The following DNAJC17 variants were observed in gnomAD, a reference collection of about 807,000 sequenced individuals.
DNAJC17 encodes the protein dnaJ homolog subfamily C member 17.
A neutral mutation model predicts 48.1 loss-of-function variants in DNAJC17; 35 were observed. That is an observed-to-expected ratio of 0.73 (90% CI 0.56 to 0.96). The LOEUF is 0.96. Ranked by LOEUF, DNAJC17 falls within the 50% of genes least tolerant of loss-of-function variation. The pLI is 0.00. For missense variants in DNAJC17, 355 were observed against 377.1 expected (o/e 0.94, Z 0.48); for synonymous variants, 117 against 142.7 (o/e 0.82, Z 1.28).
rs556555648 is a variant in DNAJC17 at position 40,795,856 on chromosome 15, C to T, written c.78+11513G>A. Among the ~76,000 whole-genome samples, 5 of 152,316 alleles carry T rather than the reference C, an allele frequency of 3.3e-5. 1 individual carries two copies. Among genetic ancestry groups the T allele is most frequent in the African/African-American group, 1.2e-4 (5 of 41,580 alleles). On this transcript the variant is annotated intron_variant, in intron 1 of 10. Transcript: ENST00000220496. ...GCAGTGAGCCAAGATCGTGCCACTG[C>T]ACTCCAGCCTGGGCGACAGAGTGAG...
At chr15:40,784,497 A>C (rs1443301574) in intron 1 of DNAJC17, among the ~76,000 whole-genome samples, 1 of 152,180 alleles carries the variant, frequency 6.6e-6, no homozygotes, top group Non-Finnish European at 1.5e-5. Flanking sequence ...TAAAGCCCCT[A>C]TGAGGTAGAA....
chr15:40,784,103 T>C (rs1333060333), intron 1 of DNAJC17, among the ~76,000 whole-genome samples: 2 of 152,062 alleles, frequency 1.3e-5, no homozygotes, highest in Non-Finnish European at 2.9e-5. Context: ...GGCACACGCC[T>C]GTAGTCCCAG....
rs1371031019 is a variant in DNAJC17 at position 40,769,859 on chromosome 15, G to C, written c.793-1797C>G. On this transcript the variant is annotated intron_variant, in intron 10 of 10. Transcript: ENST00000220496. This position sits in a 1 kb window ranked among gnomAD's most constrained non-coding sequence, Gnocchi z 4.2. ...ATCTTAAGCTCCCCATTGCCCTGGG[G>C]TGTTGGTCCCAGCTGCCCCATCCCT... 1.3e-5 allele frequency: 2 copies of C among 152,896 alleles called. No homozygotes were observed. Among genetic ancestry groups the C allele is most frequent in the Non-Finnish European group, 2.9e-5 (2 of 68,620 alleles). 9.5% of individuals were successfully genotyped at this position (152,896 alleles called of 1,614,324 possible).
chr15:40,791,848 AAAAACAAAAC>A (rs933015424), intron 1 of DNAJC17, among the ~76,000 whole-genome samples: 2 of 152,208 alleles, frequency 1.3e-5, no homozygotes, highest in Non-Finnish European at 2.9e-5. Context: ...TCCATCTGAA[AAAAACAAAAC>A]AAAACAAAAC....
intron 1 of DNAJC17, among the ~76,000 whole-genome samples, chr15:40,782,478 C>T (rs1211361377): frequency 1.3e-5 from 2 of 152,092 alleles, no homozygotes; most frequent in African/African-American, 2.4e-5. Context: ...ATAAACACAG[C>T]TACCAAGATT....
chr15:40,778,473 G>A (rs1436580149), intron 4 of DNAJC17, among the ~76,000 whole-genome samples: 2 of 151,962 alleles, frequency 1.3e-5, no homozygotes, highest in African/African-American at 2.4e-5. Context: ...GGCTGGTCTC[G>A]AACTCCTGAC....
At chr15:40,783,010 C>G (rs984520685) in intron 1 of DNAJC17, among the ~76,000 whole-genome samples, 1 of 152,110 alleles carries the variant, frequency 6.6e-6, no homozygotes, top group Non-Finnish European at 1.5e-5. Context: ...CTGCCTAGCT[C>G]TGTTTTCACT....
intron 1 of DNAJC17, among the ~76,000 whole-genome samples, chr15:40,801,435 G>A (rs956649465): frequency 1.3e-5 from 2 of 152,178 alleles, no homozygotes; most frequent in African/African-American, 4.8e-5. Flanking sequence ...ATTCCTGGCA[G>A]AGGAAAATGT....
chr15:40,798,947 C>A (rs923983033), intron 1 of DNAJC17, among the ~76,000 whole-genome samples: 1 of 152,088 alleles, frequency 6.6e-6, no homozygotes, highest in Non-Finnish European at 1.5e-5. Flanking sequence ...TGGCTGGGCG[C>A]GGTGGCTCAC....
intron 3 of DNAJC17, 22 bp downstream of exon 3, chr15:40,779,523 C>T (rs1022166287): frequency 3.1e-6 from 5 of 1,613,854 alleles, no homozygotes; most frequent in African/African-American, 2.7e-5. Context: ...GGGACGATTC[C>T]GATGAAGGAG....
At chr15:40,801,992 A>T (rs1215271489) in intron 1 of DNAJC17, among the ~76,000 whole-genome samples, 2 of 151,534 alleles carry the variant, frequency 1.3e-5, no homozygotes, top group Non-Finnish European at 2.9e-5. Flanking sequence ...AGGTTTGGGG[A>T]TTATTTGGGA....
Position 40,767,347 on chromosome 15 carries a change from T to G in DNAJC17, c.*593A>C. 1.3e-6 allele frequency: 2 copies of G among 1,593,364 alleles called. No individual in the cohort carries two copies. Among genetic ancestry groups the G allele is most frequent in the Admixed American group, 1.8e-5 (1 of 56,344 alleles). ...GCTGGTGTGGTGTCTGCACAAGGAG[T>G]GACCTTCTCATGCTGATTTGCAGAC... On this transcript the variant is annotated 3_prime_UTR_variant, in exon 11 of 11. Coordinates refer to ENST00000220496, the MANE Select transcript of DNAJC17 (RefSeq NM_018163.3).
In DNAJC17 at chr15:40,767,938, G is replaced by C; in HGVS notation, c.*2C>G. On this transcript the variant is annotated 3_prime_UTR_variant, in exon 11 of 11. Coordinates refer to ENST00000220496, the MANE Select transcript of DNAJC17 (RefSeq NM_018163.3). Reference sequence around the variant, plus strand: ...CTGAGGGGTGGATGGCTGGAGCTGGGGCTACGTAGGCGGCCCCTCCTGGTC... The same window carrying C: ...CTGAGGGGTGGATGGCTGGAGCTGGCGCTACGTAGGCGGCCCCTCCTGGTC... 1 of 1,612,674 alleles carries C rather than the reference G, an allele frequency of 6.2e-7. No individual in the cohort carries two copies. Among genetic ancestry groups the C allele is most frequent in the Middle Eastern group, 1.7e-4 (1 of 6,024 alleles).
At chr15:40,789,294 C>T (rs527518384) in intron 1 of DNAJC17, among the ~76,000 whole-genome samples, 26 of 152,112 alleles carry the variant, frequency 1.7e-4, no homozygotes, top group Admixed American at 3.9e-4. Flanking sequence ...ATCCTGAGGC[C>T]ACTCTTTAGC....
At chr15:40,793,423 C>G (rs911444143) in intron 1 of DNAJC17, among the ~76,000 whole-genome samples, 18 of 152,162 alleles carry the variant, frequency 1.2e-4, no homozygotes, top group Admixed American at 1.2e-3. Context: ...CATGCTCAAA[C>G]AGTACCTTGT....
Position 40,798,630 on chromosome 15 carries a change from C to T in DNAJC17, c.78+8739G>A, listed in dbSNP as rs141374093. On this transcript the variant is annotated intron_variant, in intron 1 of 10. Coordinates refer to ENST00000220496, the MANE Select transcript of DNAJC17 (RefSeq NM_018163.3). Reference sequence around the variant, plus strand: ...AACGTGCAGGACAGGCAGTAAGGGCCGCGTGGGCCAGGGGAAGGACTTCAG... The same window carrying T: ...AACGTGCAGGACAGGCAGTAAGGGCTGCGTGGGCCAGGGGAAGGACTTCAG... Among the ~76,000 whole-genome samples, 6 of 152,148 alleles carry T rather than the reference C, an allele frequency of 3.9e-5. No individual in the cohort carries two copies. The East Asian group carries it at 7.7e-4, about 20-fold the overall frequency.
At chr15:40,780,831 TAAAATAA>T (rs1054727821) in intron 1 of DNAJC17, among the ~76,000 whole-genome samples, 1 of 141,782 alleles carries the variant, frequency 7.1e-6, no homozygotes, top group African/African-American at 2.7e-5. Context: ...TAAAATAAAA[TAAAATAA>T]AAAATAAAAT....
chr15:40,773,455 A>G (rs898182421), intron 10 of DNAJC17, among the ~76,000 whole-genome samples: 2 of 152,226 alleles, frequency 1.3e-5, no homozygotes, highest in African/African-American at 2.4e-5. Flanking sequence ...AGGGCCAGGA[A>G]GATCCCTTTG....
At chr15:40,773,423 C>T (rs1163831994) in intron 10 of DNAJC17, among the ~76,000 whole-genome samples, 1 of 152,180 alleles carries the variant, frequency 6.6e-6, no homozygotes, top group African/African-American at 2.4e-5. Context: ...AAATGCTTCA[C>T]ACACCACAAC....
Sources: gnomAD v4.1 joint callset for allele counts (sites outside exome capture counted in the v4.1 genomes callset) on GRCh38, gnomAD v4.1.1 for gene constraint, Gnocchi (gnomAD v3.1) non-coding constraint, MANE v1.5 for transcripts, NCBI Gene and HGNC (gene_info 2026-07-23, HGNC 2026-07-21) for gene names.